Variants in CCL26 observed in about 807,000 individuals in gnomAD.
The protein encoded by CCL26 is C-C motif chemokine 26.
Under a neutral mutation model 10.7 loss-of-function variants are expected in CCL26, and 10 were observed. That is an observed-to-expected ratio of 0.93 (90% CI 0.57 to 1.58). CCL26 has a LOEUF of 1.58. Ranked by LOEUF, CCL26 falls within the 40% of genes most tolerant of loss-of-function variation. The pLI, the probability that CCL26 is intolerant of heterozygous loss-of-function variation, is 0.00. For missense variants in CCL26, 116 were observed against 111.0 expected (o/e 1.05, Z -0.20); for synonymous variants, 43 against 41.4 (o/e 1.04, Z -0.15).
intron 1 of CCL26, among the ~76,000 whole-genome samples, chr7:75,788,740 A>AG (rs1455807297): frequency 6.6e-6 from 1 of 151,288 alleles, no homozygotes; most frequent in East Asian, 1.9e-4. Context: ...AAAAAAAAGA[A>AG]GAAAAAAAAA....
In CCL26 at chr7:75,769,630, TC is replaced by T; in HGVS notation, c.*62del. 6.5e-6 allele frequency: 7 copies of T among 1,077,886 alleles called. No individual in the cohort carries two copies. The highest frequency in any genetic ancestry group is 1.0e-5 in the Non-Finnish European group (7 of 698,790). 66.8% of individuals were successfully genotyped at this position (1,077,886 alleles called of 1,614,324 possible). A position where few individuals can be genotyped will look rare whatever the true frequency, so the allele number is the denominator to read the frequency against. ...AGCCTTCAGAAAAGATTCCGCAGGC[TC>T]CCCAGAGGGCTGCAGAGCCAAGAGC... On this transcript the variant is annotated 3_prime_UTR_variant, in exon 3 of 3. Transcript: ENST00000005180.
intron 1 of CCL26, among the ~76,000 whole-genome samples, chr7:75,780,748 C>A (rs1323649386): frequency 6.6e-6 from 1 of 152,092 alleles, no homozygotes; most frequent in Non-Finnish European, 1.5e-5. Context: ...TCTTTCCAAT[C>A]TTCCTTTTCT....
upstream of CCL26, among the ~76,000 whole-genome samples, chr7:75,791,013 C>CTTT (rs35608337): frequency 1.3e-4 from 17 of 134,360 alleles, no homozygotes; most frequent in Non-Finnish European, 1.7e-4. Context: ...GAAACTCCTC[C>CTTT]TTTTTTTTTT....
chr7:75,769,639 G>T lies in CCL26; in HGVS notation c.*54C>A. ...AAAAGATTCCGCAGGCTCCCCAGAG[G>T]GCTGCAGAGCCAAGAGCGGGGTCCA... On this transcript the variant is annotated 3_prime_UTR_variant, in exon 3 of 3. Coordinates refer to ENST00000005180, the MANE Select transcript of CCL26 (RefSeq NM_001371938.1). 1 of 1,177,794 alleles carries T rather than the reference G, an allele frequency of 8.5e-7. No homozygotes were observed. The allele number at this position is 1,177,794 out of a possible 1,614,324, so 73.0% of individuals were successfully genotyped here.
intron 1 of CCL26, among the ~76,000 whole-genome samples, chr7:75,788,045 G>A (rs541216096): frequency 1.3e-5 from 2 of 151,826 alleles, no homozygotes; most frequent in Middle Eastern, 3.4e-3. Flanking sequence ...AATCCTTCTC[G>A]AAGCAGCCCT....
intron 1 of CCL26, among the ~76,000 whole-genome samples, chr7:75,788,164 T>C (rs1803244900): frequency 6.6e-6 from 1 of 152,134 alleles, no homozygotes; most frequent in African/African-American, 2.4e-5. Context: ...AAGACAGGAA[T>C]GTCAGGCCTC....
intron 1 of CCL26, among the ~76,000 whole-genome samples, chr7:75,779,898 T>C (rs1196179101): frequency 2.0e-5 from 3 of 147,596 alleles, no homozygotes; most frequent in African/African-American, 7.5e-5. Flanking sequence ...CCTCCCACCC[T>C]TTCTCCACTT....
chr7:75,780,226 T>A (rs1219484418), intron 1 of CCL26, among the ~76,000 whole-genome samples: 1 of 151,480 alleles, frequency 6.6e-6, no homozygotes, highest in Non-Finnish European at 1.5e-5. Flanking sequence ...TCCACTTTCC[T>A]GGGAGGCAAG....
chr7:75,770,865 C>T (rs1299835396), intron 2 of CCL26, among the ~76,000 whole-genome samples: 2 of 152,112 alleles, frequency 1.3e-5, no homozygotes, highest in African/African-American at 4.8e-5. Context: ...AATAGAACAG[C>T]TTTGTTGGGA....
At chr7:75,788,426 T>G (rs1563341548) in intron 1 of CCL26, among the ~76,000 whole-genome samples, 1 of 151,936 alleles carries the variant, frequency 6.6e-6, no homozygotes, top group African/African-American at 2.4e-5. Context: ...CCTACCCAAA[T>G]CCTATAAAAC....
chr7:75,777,721 G>GAAAAAAAAAAAAAAAA (rs60039632), intron 1 of CCL26, among the ~76,000 whole-genome samples: 7 of 60,552 alleles, frequency 1.2e-4, no homozygotes, highest in Admixed American at 2.8e-4. Context: ...TCCTGTCTCA[G>GAAAAAAAAAAAAAAAA]AAAAAAAAAA....
chr7:75,788,099 T>A (rs1803243591), intron 1 of CCL26, among the ~76,000 whole-genome samples: 1 of 152,004 alleles, frequency 6.6e-6, no homozygotes, highest in Admixed American at 6.6e-5. Context: ...CCCAAAAATT[T>A]TCGCCGCCCC....
At chr7:75,770,710 C>T (rs1802802554) in intron 2 of CCL26, among the ~76,000 whole-genome samples, 1 of 152,028 alleles carries the variant, frequency 6.6e-6, no homozygotes, top group Admixed American at 6.6e-5. Context: ...CAGTTTCTCT[C>T]TTGTCACCCA....
At chr7:75,785,982 C>T (rs1217439755) in intron 1 of CCL26, among the ~76,000 whole-genome samples, 1 of 152,204 alleles carries the variant, frequency 6.6e-6, no homozygotes. Flanking sequence ...TTTAGAGGCC[C>T]TCAAAATCGC....
upstream of CCL26, among the ~76,000 whole-genome samples, chr7:75,776,411 C>T (rs1289009199): frequency 6.6e-6 from 1 of 151,330 alleles, no homozygotes; most frequent in Non-Finnish European, 1.5e-5. Flanking sequence ...CATGGTGGCT[C>T]ACTCCTGTAA....
At chr7:75,771,289 A>G (rs1802814763) in intron 2 of CCL26, among the ~76,000 whole-genome samples, 1 of 152,138 alleles carries the variant, frequency 6.6e-6, no homozygotes, top group South Asian at 2.1e-4. Context: ...AACCATCACC[A>G]CAATCAATTT....
At chr7:75,785,305 C>T (rs2115688913) in intron 1 of CCL26, among the ~76,000 whole-genome samples, 3 of 152,230 alleles carry the variant, frequency 2.0e-5, no homozygotes. Flanking sequence ...CAGGGACAGC[C>T]CTCATTACTT....
intron 1 of CCL26, among the ~76,000 whole-genome samples, chr7:75,782,252 C>T (rs1314743923): frequency 3.9e-5 from 6 of 152,246 alleles, no homozygotes; most frequent in South Asian, 2.1e-4. Context: ...AAAACTCCGG[C>T]GCCAGTCACG....
At chr7:75,777,974 C>T (rs1462457349) in intron 1 of CCL26, among the ~76,000 whole-genome samples, 5 of 151,982 alleles carry the variant, frequency 3.3e-5, no homozygotes, top group Admixed American at 2.6e-4. Context: ...CCCGCCTCGG[C>T]CTCCCAAAGT....
Sources: allele counts gnomAD v4.1 joint callset (sites outside exome capture counted in the v4.1 genomes callset), GRCh38; gene constraint gnomAD v4.1.1; transcripts MANE v1.5; gene names NCBI Gene and HGNC (gene_info 2026-07-23, HGNC 2026-07-21).